TRPM6: variants seen among roughly 807,000 people sequenced by gnomAD.
TRPM6 encodes transient receptor potential cation channel subfamily M member 6.
TRPM6 carries 111 observed loss-of-function variants against 247.6 expected under a neutral mutation model. The ratio of observed to expected loss-of-function variants is 0.45; its 90% CI spans 0.38 to 0.52. TRPM6 has a LOEUF of 0.52. Ranked by LOEUF, TRPM6 falls within the 20% of genes least tolerant of loss-of-function variation. TRPM6 has a pLI of 0.00. For missense variants in TRPM6, 2,126 were observed against 2,421.5 expected, an observed-to-expected ratio of 0.88 and a Z score of 2.56; for synonymous variants, 892 against 853.8, an observed-to-expected ratio of 1.04 and a Z score of -0.78.
chr9:74,747,015 A>C (rs1230292484), intron 31 of TRPM6, among the ~76,000 whole-genome samples: 1 of 152,160 alleles, frequency 6.6e-6, no homozygotes, highest in Non-Finnish European at 1.5e-5. Flanking sequence ...AGCCTCAAGG[A>C]AACATAGAAA....
At chr9:74,868,840 AGAT>A (rs1830933980) in intron 1 of TRPM6, among the ~76,000 whole-genome samples, 2 of 152,220 alleles carry the variant, frequency 1.3e-5, no homozygotes, top group Non-Finnish European at 2.9e-5. Flanking sequence ...ACTGAAGGAC[AGAT>A]AATAGAGACG....
At chr9:74,872,774 T>A (rs73536146) in intron 1 of TRPM6, among the ~76,000 whole-genome samples, 2,909 of 152,244 alleles carry the variant, frequency 0.019, 111 homozygotes, top group African/African-American at 0.067. Flanking sequence ...GGAACCTGAT[T>A]CTATCTCTTA....
chr9:74,797,759 T>G (rs1828152101), intron 17 of TRPM6, among the ~76,000 whole-genome samples: 1 of 152,194 alleles, frequency 6.6e-6, no homozygotes, highest in African/African-American at 2.4e-5. Context: ...ATTATTTATC[T>G]CTAGGAGTGG....
intron 11 of TRPM6, among the ~76,000 whole-genome samples, chr9:74,813,037 T>C (rs139665084): frequency 1.3e-5 from 2 of 152,216 alleles, no homozygotes; most frequent in Non-Finnish European, 2.9e-5. Context: ...AATGAATGAA[T>C]GTACAGGCTT....
intron 3 of TRPM6, among the ~76,000 whole-genome samples, chr9:74,848,114 C>T (rs888011664): frequency 5.9e-5 from 9 of 152,258 alleles, no homozygotes; most frequent in Middle Eastern, 3.4e-3. Context: ...TTTCTTTCTT[C>T]GCAATTTCAT....
intron 1 of TRPM6, among the ~76,000 whole-genome samples, chr9:74,871,465 G>T (rs763175351): frequency 7.2e-5 from 11 of 151,970 alleles, no homozygotes; most frequent in Non-Finnish European, 1.2e-4. Flanking sequence ...CTTATATATA[G>T]AATTGCTTCA....
chr9:74,834,111 G>A lies in TRPM6; in HGVS notation c.556C>T (p.His186Tyr), dbSNP rs1192673689. ...TGGGATTTCAAGGCATCCCCAACAT[G>A]CTTGGACACTCCTATGAACAACCAG... ...TEGINTGVSK[H>Y]VGDALKSHSS... Residue 186 changes from histidine (H) to tyrosine (Y), a missense_variant, in exon 6 of 39, where the codon CAT becomes TAT. His to Tyr is a moderately conservative substitution (Grantham distance 83). Transcript: ENST00000360774. The A allele has an allele frequency of 3.0e-5, 48 of 1,613,950 alleles. No individual in the cohort carries two copies. The highest frequency in any genetic ancestry group is 3.7e-5 in the Non-Finnish European group (44 of 1,179,960).
intron 6 of TRPM6, among the ~76,000 whole-genome samples, chr9:74,830,477 C>A (rs1238287335): frequency 1.3e-5 from 2 of 152,152 alleles, no homozygotes; most frequent in Non-Finnish European, 2.9e-5. Context: ...ATCACTGCAA[C>A]CTCTGCCTCC....
At chr9:74,869,148 A>C (rs542746236) in intron 1 of TRPM6, among the ~76,000 whole-genome samples, 7 of 152,160 alleles carry the variant, frequency 4.6e-5, no homozygotes, top group Non-Finnish European at 7.4e-5. Flanking sequence ...AACAGAGGAG[A>C]TAGGTAGTTA....
intron 4 of TRPM6, among the ~76,000 whole-genome samples, chr9:74,841,596 C>T (rs1829941476): frequency 6.6e-6 from 1 of 152,054 alleles, no homozygotes; most frequent in Non-Finnish European, 1.5e-5. Flanking sequence ...CCTCTGCCTC[C>T]CAGGTTCAAG....
intron 1 of TRPM6, among the ~76,000 whole-genome samples, chr9:74,867,980 C>T (rs1237524561): frequency 1.3e-5 from 2 of 151,436 alleles, no homozygotes; most frequent in African/African-American, 4.9e-5. Context: ...TGGCGAAACC[C>T]CAACTCTATT....
At chr9:74,824,072 A>G (rs1829232388) in intron 7 of TRPM6, among the ~76,000 whole-genome samples, 1 of 152,108 alleles carries the variant, frequency 6.6e-6, no homozygotes, top group South Asian at 2.1e-4. Context: ...GGAAGTATAT[A>G]ATACTTTTAC....
intron 1 of TRPM6, among the ~76,000 whole-genome samples, chr9:74,882,952 T>C (rs1332634555): frequency 1.3e-5 from 2 of 152,220 alleles, no homozygotes; most frequent in Non-Finnish European, 2.9e-5. Context: ...CACATTGTTG[T>C]GCGGCCAATC....
At position 74,824,218 on chromosome 9, in the gene TRPM6, T is replaced by G. The variant is rs189260309; in HGVS notation, c.842-2381A>C. ...CAGGCTGGAGTGCAGTGGCACCATC[T>G]TAGCTCACTGCAACCTCTGCCTCCT... On this transcript the variant is annotated intron_variant, in intron 7 of 38. Coordinates refer to ENST00000360774, the MANE Select transcript of TRPM6 (RefSeq NM_017662.5). Among the ~76,000 whole-genome samples the G allele has an allele frequency of 2.6e-3, 392 of 151,970 alleles. 5 individuals carry two copies. The Middle Eastern group carries it at 0.031, about 12-fold the overall frequency.
intron 11 of TRPM6, among the ~76,000 whole-genome samples, chr9:74,812,906 G>A (rs1040612102): frequency 3.3e-5 from 5 of 152,128 alleles, no homozygotes; most frequent in African/African-American, 4.8e-5. Flanking sequence ...ATGAATGAAT[G>A]AATAAATAGT....
chr9:74,786,697 A>G (rs1357314244), intron 20 of TRPM6, among the ~76,000 whole-genome samples: 1 of 152,110 alleles, frequency 6.6e-6, no homozygotes, highest in East Asian at 1.9e-4. Context: ...CTGAAATCGC[A>G]CCACCGCACT....
intron 7 of TRPM6, among the ~76,000 whole-genome samples, chr9:74,824,984 G>A (rs1829278059): frequency 6.6e-6 from 1 of 152,146 alleles, no homozygotes; most frequent in South Asian, 2.1e-4. Flanking sequence ...CACAGGCTGG[G>A]CATGGTGGCT....
At chr9:74,846,639 T>C (rs1003656768) in intron 3 of TRPM6, among the ~76,000 whole-genome samples, 3 of 152,042 alleles carry the variant, frequency 2.0e-5, no homozygotes, top group Non-Finnish European at 4.4e-5. Flanking sequence ...CTCCACCTCC[T>C]GGATTCAAGC....
Position 74,828,230 on chromosome 9 carries a change from C to T in TRPM6, c.670-281G>A, listed in dbSNP as rs1587550857. 2.6e-5 allele frequency among the ~76,000 whole-genome samples: 4 copies of T among 152,220 alleles called. No homozygotes were observed. In the South Asian group the frequency reaches 8.3e-4, roughly 32 times the overall value. On this transcript the variant is annotated intron_variant, in intron 6 of 38. Transcript: ENST00000360774. Reference sequence around the variant, plus strand: ...AATTGGCCAGGCATGGTGGCAGGTGCCTGTAGTCCCAGCTACTTGGGAGGC... The same window carrying T: ...AATTGGCCAGGCATGGTGGCAGGTGTCTGTAGTCCCAGCTACTTGGGAGGC...
Sources: gnomAD v4.1 joint callset for allele counts (sites outside exome capture counted in the v4.1 genomes callset) on GRCh38, gnomAD v4.1.1 for gene constraint, MANE v1.5 for transcripts, NCBI Gene and HGNC (gene_info 2026-07-23, HGNC 2026-07-21) for gene names.